EPB41L3: variants seen among roughly 807,000 people sequenced by gnomAD.
EPB41L3 encodes the protein erythrocyte membrane protein band 4.1 like 3.
Under a neutral mutation model 127.1 loss-of-function variants are expected in EPB41L3, and 57 were observed. The observed-to-expected ratio is 0.45, with a 90% CI of 0.36 to 0.56. EPB41L3 has a LOEUF of 0.56. Ranked by LOEUF, EPB41L3 falls within the 20% of genes least tolerant of loss-of-function variation. The pLI, the probability that EPB41L3 is intolerant of heterozygous loss-of-function variation, is 0.00. For missense variants in EPB41L3, 1,273 were observed against 1,372.2 expected, an observed-to-expected ratio of 0.93 and a Z score of 1.14; for synonymous variants, 572 against 549.5, an observed-to-expected ratio of 1.04 and a Z score of -0.57.
intron 3 of EPB41L3, among the ~76,000 whole-genome samples, chr18:5,589,321 A>C (rs991772060): frequency 6.6e-6 from 1 of 150,614 alleles, no homozygotes; most frequent in East Asian, 2.0e-4. Flanking sequence ...CTAAAAAATT[A>C]CTAAACTACT....
Position 5,564,611 on chromosome 18 carries a change from CCTT to C in EPB41L3, c.-306+47726_-306+47728del, listed in dbSNP as rs151043064. Reference sequence around the variant, plus strand: ...TAATGCCCTTGAACTGAGGGCTTCTCCTTCTCAGAAATCAGAAGGAAGATGAGC... The same window carrying C: ...TAATGCCCTTGAACTGAGGGCTTCTCCTCAGAAATCAGAAGGAAGATGAGC... On this transcript the variant is annotated intron_variant, in intron 3 of 21. Coordinates refer to the EPB41L3 transcript ENST00000545076. Among the ~76,000 whole-genome samples the C allele has an allele frequency of 5.7e-3, 867 of 152,206 alleles. 8 individuals are homozygous for C. Among genetic ancestry groups the C allele is most frequent in the African/African-American group, 0.02 (830 of 41,530 alleles).
rs563662904 is a variant in EPB41L3 at position 5,499,829 on chromosome 18, G to GTGTGTATATATATATATATA, written c.-11-10636_-11-10635insTATATATATATATATACACA. On this transcript the variant is annotated intron_variant, in intron 1 of 22. Transcript: ENST00000341928. ...CCTACTACATACTTACTATGTGTGTGTATATATATATATATATATGGCATT... is the reference window on the plus strand; with the variant it reads ...CCTACTACATACTTACTATGTGTGTGTGTGTATATATATATATATATATATATATATATATATATGGCATT... Among the ~76,000 whole-genome samples the GTGTGTATATATATATATATA allele has an allele frequency of 3.6e-4, 45 of 124,650 alleles. 1 individual carries two copies. The highest frequency in any genetic ancestry group is 8.3e-3 in the Middle Eastern group (2 of 240). 81.8% of individuals were successfully genotyped at this position (124,650 alleles called of 152,430 possible). A position where few individuals can be genotyped will look rare whatever the true frequency, so the allele number is the denominator to read the frequency against.
At chr18:5,474,993 AGTTT>A (rs1189854632) in intron 3 of EPB41L3, among the ~76,000 whole-genome samples, 1 of 152,190 alleles carries the variant, frequency 6.6e-6, no homozygotes, top group Non-Finnish European at 1.5e-5. Flanking sequence ...CTGCTACCTT[AGTTT>A]TTCTTTTTAT....
At chr18:5,538,493 T>C (rs944515133) in intron 1 of EPB41L3, among the ~76,000 whole-genome samples, 3 of 152,190 alleles carry the variant, frequency 2.0e-5, no homozygotes, top group African/African-American at 7.2e-5. Flanking sequence ...CTTTTAGAAA[T>C]GATGAAATTT....
chr18:5,427,653 CA>C (rs1220555109), intron 9 of EPB41L3, among the ~76,000 whole-genome samples: 7 of 152,058 alleles, frequency 4.6e-5, no homozygotes, highest in Non-Finnish European at 7.4e-5. Flanking sequence ...ATTTGCAGGA[CA>C]AACAGAAAGA....
At chr18:5,541,528 A>C (rs1568543043) in intron 1 of EPB41L3, among the ~76,000 whole-genome samples, 1 of 152,184 alleles carries the variant, frequency 6.6e-6, no homozygotes, top group Non-Finnish European at 1.5e-5. Flanking sequence ...ACAGCATCAC[A>C]TCTCTCAGTA....
chr18:5,498,608 A>AAAAAAAAAAG (rs1448249391), intron 1 of EPB41L3, among the ~76,000 whole-genome samples: 6 of 144,590 alleles, frequency 4.1e-5, no homozygotes, highest in African/African-American at 7.6e-5. Context: ...AAAAAAAAAA[A>AAAAAAAAAAG]AAAGAAAATG....
intron 14 of EPB41L3, 27 bp from the exon 15 acceptor site, chr18:5,407,763 A>G: frequency 1.2e-6 from 2 of 1,612,426 alleles, no homozygotes; most frequent in Admixed American, 1.7e-5. Flanking sequence ...AGAGTGGGAA[A>G]TAAAGTCTTA....
chr18:5,396,386 G>T (rs2073468824), intron 18 of EPB41L3, 54 bp from the exon 19 acceptor site: 1 of 1,605,784 alleles, frequency 6.2e-7, no homozygotes, highest in African/African-American at 1.3e-5. Flanking sequence ...TGAACACATT[G>T]TTTTCTTCCT....
intron 1 of EPB41L3, among the ~76,000 whole-genome samples, chr18:5,619,714 T>C (rs553988630): frequency 5.9e-5 from 9 of 152,230 alleles, no homozygotes; most frequent in Non-Finnish European, 1.0e-4. Flanking sequence ...ATATGTACTA[T>C]ACTTCAGCCA....
At chr18:5,528,638 C>A (rs1056629683) in intron 1 of EPB41L3, among the ~76,000 whole-genome samples, 1 of 152,116 alleles carries the variant, frequency 6.6e-6, no homozygotes, top group African/African-American at 2.4e-5. Flanking sequence ...CACTCTGTCA[C>A]CCAGGCTGGA....
chr18:5,429,111 T>C (rs2078629350), intron 8 of EPB41L3: 1 of 152,184 alleles, frequency 6.6e-6, no homozygotes, highest in East Asian at 1.9e-4. Flanking sequence ...GAATGTATTT[T>C]CCCCAACAAC....
At chr18:5,430,424 A>G (rs2078831491) in intron 8 of EPB41L3, among the ~76,000 whole-genome samples, 1 of 152,186 alleles carries the variant, frequency 6.6e-6, no homozygotes, top group African/African-American at 2.4e-5. Context: ...TGAAAAATGA[A>G]AACGGCACAA....
intron 3 of EPB41L3, among the ~76,000 whole-genome samples, chr18:5,561,955 T>C (rs1448534063): frequency 6.6e-6 from 1 of 152,096 alleles, no homozygotes; most frequent in Non-Finnish European, 1.5e-5. Flanking sequence ...TTCTACGAAA[T>C]GATGAGATAC....
intron 2 of EPB41L3, 171 bp downstream of exon 2, chr18:5,488,830 T>C: frequency 3.2e-6 from 2 of 632,264 alleles, no homozygotes; most frequent in East Asian, 7.0e-5. Context: ...GGTTGTGGAA[T>C]GTCATTCACT....
chr18:5,546,344 A>C (rs919112393), upstream of EPB41L3, among the ~76,000 whole-genome samples: 1 of 152,138 alleles, frequency 6.6e-6, no homozygotes, highest in African/African-American at 2.4e-5. Context: ...CAGCCTGGCC[A>C]AGATGGTGAA....
At chr18:5,423,949 C>A (rs2077812239) in intron 10 of EPB41L3, among the ~76,000 whole-genome samples, 1 of 152,052 alleles carries the variant, frequency 6.6e-6, no homozygotes, top group Admixed American at 6.6e-5. Flanking sequence ...ATTGAGAAAT[C>A]ACTGAAATAG....
intron 3 of EPB41L3, among the ~76,000 whole-genome samples, chr18:5,604,347 A>T (rs1217415440): frequency 6.6e-6 from 1 of 152,078 alleles, no homozygotes; most frequent in Admixed American, 6.6e-5. Context: ...CAGAAATTTA[A>T]ATATTTGCCA....
chr18:5,541,146 G>A (rs536814967), intron 1 of EPB41L3, among the ~76,000 whole-genome samples: 7 of 146,306 alleles, frequency 4.8e-5, no homozygotes, highest in Non-Finnish European at 7.5e-5. Context: ...CCAGCTACTC[G>A]GGAGGTTGAG....
Sources: gnomAD v4.1 joint callset for allele counts (sites outside exome capture counted in the v4.1 genomes callset) on GRCh38, gnomAD v4.1.1 for gene constraint, MANE v1.5 for transcripts, NCBI Gene and HGNC (gene_info 2026-07-23, HGNC 2026-07-21) for gene names.